Variants in PAWR observed in about 807,000 individuals in gnomAD.
PAWR encodes the protein PRKC apoptosis WT1 regulator protein.
PAWR carries 23 observed loss-of-function variants against 32.0 expected under a neutral mutation model. That is an observed-to-expected ratio of 0.72 (90% confidence interval 0.52 to 1.02). The LOEUF is 1.02. Among genes scored for constraint, PAWR ranks in the 50% least tolerant of loss-of-function variants. The pLI is 0.00. For missense variants in PAWR, 457 were observed against 437.7 expected, an observed-to-expected ratio of 1.04 and a Z score of -0.39; for synonymous variants, 226 against 187.1, an observed-to-expected ratio of 1.21 and a Z score of -1.70.
chr12:79,594,659 T>C (rs1440610994), intron 5 of PAWR, among the ~76,000 whole-genome samples: 1 of 152,130 alleles, frequency 6.6e-6, no homozygotes, highest in Admixed American at 6.6e-5. Context: ...TTTATACAAG[T>C]CTTTAACAAA....
At chr12:79,611,000 C>G (rs564408601) in intron 4 of PAWR, among the ~76,000 whole-genome samples, 51 of 151,084 alleles carry the variant, frequency 3.4e-4, no homozygotes, top group African/African-American at 1.2e-3. Flanking sequence ...ACATAACAGA[C>G]TCAAGGCTAA....
At chr12:79,635,249 C>A (rs1226505216) in intron 2 of PAWR, among the ~76,000 whole-genome samples, 1 of 152,064 alleles carries the variant, frequency 6.6e-6, no homozygotes, top group Non-Finnish European at 1.5e-5. Flanking sequence ...GGGTTAGTAT[C>A]TTCTCCAAGT....
intron 2 of PAWR, among the ~76,000 whole-genome samples, chr12:79,660,047 G>A (rs1359433205): frequency 6.6e-6 from 1 of 152,166 alleles, no homozygotes; most frequent in Non-Finnish European, 1.5e-5. Context: ...GTTAGTGCCA[G>A]GCCCATATTA....
intron 2 of PAWR, among the ~76,000 whole-genome samples, chr12:79,672,628 C>T (rs1877961725): frequency 6.6e-6 from 1 of 152,088 alleles, no homozygotes; most frequent in Non-Finnish European, 1.5e-5. Flanking sequence ...CCTGTTTTAT[C>T]CTCTCCAAGG....
intron 2 of PAWR, among the ~76,000 whole-genome samples, chr12:79,659,420 C>T (rs1877246394): frequency 6.6e-6 from 1 of 152,084 alleles, no homozygotes; most frequent in South Asian, 2.1e-4. Context: ...TATACTTTAA[C>T]ATAAATAGGC....
In PAWR at chr12:79,653,984, C is replaced by G. The variant is rs139645070; in HGVS notation, c.517-32777G>C. Among the ~76,000 whole-genome samples the G allele has an allele frequency of 2.2e-3, 330 of 152,224 alleles. 3 individuals are homozygous for G. Among genetic ancestry groups the G allele is most frequent in the African/African-American group, 7.8e-3 (322 of 41,530 alleles). The stretch of plus-strand genomic sequence containing the variant: ...TGAAGTAAATCACAGAAAAATCAAG[C>G]CCAGTTGGAGGTACTACTGTGTCTG... On this transcript the variant is annotated intron_variant, in intron 2 of 6. Coordinates refer to ENST00000328827, the MANE Select transcript of PAWR (RefSeq NM_002583.4).
intron 3 of PAWR, among the ~76,000 whole-genome samples, chr12:79,615,044 C>CA (rs1272427722): frequency 6.6e-6 from 1 of 152,158 alleles, no homozygotes; most frequent in Non-Finnish European, 1.5e-5. Context: ...AACAGGCTTT[C>CA]AATTTCAATT....
Position 79,690,901 on chromosome 12 carries a change from A to C in PAWR, c.-177T>G, listed in dbSNP as rs1160411220. 1 of 152,178 alleles carries C rather than the reference A, an allele frequency of 6.6e-6. No homozygotes were observed. The highest frequency in any genetic ancestry group is 1.5e-5 in the Non-Finnish European group (1 of 68,066). 9.4% of individuals were successfully genotyped at this position (152,178 alleles called of 1,614,324 possible). ...GAGGAGCTTGTAGGGGACGAGGCGT[A>C]GGGCTGGGATCCGGCTCCCAGGTGT... On this transcript the variant is annotated 5_prime_UTR_variant, in exon 1 of 7. Transcript: ENST00000328827.
chr12:79,664,177 G>A (rs1431132041), intron 2 of PAWR, among the ~76,000 whole-genome samples: 4 of 151,920 alleles, frequency 2.6e-5, no homozygotes, highest in Middle Eastern at 3.4e-3. Context: ...AAATATCCTC[G>A]AGACAGTCAA....
Position 79,690,122 on chromosome 12 carries a change from G to T in PAWR, c.123C>A (p.Pro41=). 1 of 1,504,708 alleles carries T rather than the reference G, an allele frequency of 6.6e-7. No individual in the cohort carries two copies. 93.2% of individuals were successfully genotyped at this position (1,504,708 alleles called of 1,614,324 possible). ...CGGCGTCGCTGCTGCCCCCTCCCGG[G>T]GGGGCCGGGCCCGGGGGGTTCTGCT... The part of the protein sequence containing the change: ...RAKQNPPGPA[P]PGGGSSDAAG... Residue 41 remains proline, a synonymous_variant, in exon 2 of 7, where the codon CCC becomes CCA. Transcript: ENST00000328827.
At chr12:79,606,499 T>C (rs772907545) in intron 4 of PAWR, among the ~76,000 whole-genome samples, 1 of 152,212 alleles carries the variant, frequency 6.6e-6, no homozygotes, top group Non-Finnish European at 1.5e-5. Flanking sequence ...TTAGACTTCA[T>C]AATTCAGAAC....
chr12:79,621,001 A>G (rs1032510630), intron 3 of PAWR, 75 bp downstream of exon 3: 2 of 1,081,308 alleles, frequency 1.8e-6, no homozygotes, highest in African/African-American at 3.2e-5. Context: ...ATATTACTAC[A>G]TACAACTCAA....
At chr12:79,641,929 G>C (rs1175323514) in intron 2 of PAWR, among the ~76,000 whole-genome samples, 5 of 135,500 alleles carry the variant, frequency 3.7e-5, no homozygotes, top group Admixed American at 7.7e-5. Flanking sequence ...TGATTGTTTT[G>C]AAGAATCACA....
At chr12:79,638,011 G>C (rs533214854) in intron 2 of PAWR, among the ~76,000 whole-genome samples, 2 of 151,956 alleles carry the variant, frequency 1.3e-5, no homozygotes, top group South Asian at 4.2e-4. Flanking sequence ...AACGTGATTT[G>C]TTCAATCCTG....
chr12:79,666,186 G>A (rs1877594507), intron 2 of PAWR, among the ~76,000 whole-genome samples: 1 of 152,120 alleles, frequency 6.6e-6, no homozygotes, highest in Non-Finnish European at 1.5e-5. Context: ...TAGTACAAAG[G>A]GGGCTTAAAA....
intron 6 of PAWR, among the ~76,000 whole-genome samples, chr12:79,594,051 T>C (rs752899751): frequency 5.3e-5 from 8 of 152,142 alleles, no homozygotes; most frequent in Non-Finnish European, 1.0e-4. Context: ...CCCTTACATA[T>C]GGTAGTGACA....
intron 4 of PAWR, among the ~76,000 whole-genome samples, chr12:79,605,237 C>G (rs143604845): frequency 1.3e-5 from 2 of 151,798 alleles, no homozygotes; most frequent in Non-Finnish European, 2.9e-5. Context: ...TAAGTTGTTG[C>G]AGTTAGGGAA....
chr12:79,609,044 G>A (rs1874320829), intron 4 of PAWR, among the ~76,000 whole-genome samples: 1 of 152,062 alleles, frequency 6.6e-6, no homozygotes, highest in South Asian at 2.1e-4. Context: ...ACTCCAGCCT[G>A]GGTGACAGGA....
intron 2 of PAWR, among the ~76,000 whole-genome samples, chr12:79,673,736 T>C (rs957214590): frequency 2.0e-5 from 3 of 152,174 alleles, no homozygotes; most frequent in Non-Finnish European, 4.4e-5. Context: ...TATGGTAGCA[T>C]TTTTTATTCC....
Sources: gnomAD v4.1 joint callset for allele counts (sites outside exome capture counted in the v4.1 genomes callset) on GRCh38, gnomAD v4.1.1 for gene constraint, MANE v1.5 for transcripts, NCBI Gene and HGNC (gene_info 2026-07-23, HGNC 2026-07-21) for gene names.